ASCC1: variants seen among roughly 807,000 people sequenced by gnomAD.
ASCC1 encodes the protein activating signal cointegrator 1 complex subunit 1, also known as ASC-1 complex subunit P50.
ASCC1 carries 35 observed loss-of-function variants against 46.6 expected under a neutral mutation model. The ratio of observed to expected loss-of-function variants is 0.75; its 90% CI spans 0.57 to 0.99. The LOEUF is 0.99. Among genes scored for constraint, ASCC1 ranks in the 50% least tolerant of loss-of-function variants. The pLI is 0.00. For missense variants in ASCC1, 376 were observed against 428.7 expected, an observed-to-expected ratio of 0.88 and a Z score of 1.09; for synonymous variants, 143 against 146.6, an observed-to-expected ratio of 0.98 and a Z score of 0.18.
Position 72,133,091 on chromosome 10 carries a change from T to G in ASCC1, c.837A>C (p.Thr279=), listed in dbSNP as rs1352903954. 1.9e-6 allele frequency: 3 copies of G among 1,614,082 alleles called. No homozygotes were observed. The highest frequency in any genetic ancestry group is 2.5e-6 in the Non-Finnish European group (3 of 1,180,012). The part of the protein sequence containing the change: ...KEWNSVKLHA[T]VMNTLFRKDP... ...CTTTCCTGAATAGTGTATTCATAAC[T>G]GTAGCATGCAGTTTCACACTATTCC... Residue 279 remains threonine (T), a synonymous_variant, in exon 8 of 10, where the codon ACA becomes ACC. Coordinates refer to ENST00000672957, the MANE Select transcript of ASCC1 (RefSeq NM_001198800.3).
At chr10:72,179,866 T>G (rs1394360404) in intron 5 of ASCC1, among the ~76,000 whole-genome samples, 1 of 152,120 alleles carries the variant, frequency 6.6e-6, no homozygotes, top group Non-Finnish European at 1.5e-5. Flanking sequence ...AAAAAATGCA[T>G]GAACAGCAGC....
intron 2 of ASCC1, among the ~76,000 whole-genome samples, chr10:72,211,183 T>C (rs1389661478): frequency 6.6e-6 from 1 of 152,218 alleles, no homozygotes; most frequent in African/African-American, 2.4e-5. Context: ...AGATACTGGA[T>C]ATGAGACAGA....
intron 3 of ASCC1, 92 bp from the exon 4 acceptor site, chr10:72,203,616 T>G (rs111407217): frequency 1.1e-6 from 1 of 940,606 alleles, no homozygotes; most frequent in South Asian, 1.4e-5. Context: ...CAAGAGATAC[T>G]CCCTTACAGA....
intron 5 of ASCC1, among the ~76,000 whole-genome samples, chr10:72,194,863 C>G (rs1319532190): frequency 1.3e-5 from 2 of 151,894 alleles, no homozygotes; most frequent in African/African-American, 4.8e-5. Flanking sequence ...CTGCCTCAGC[C>G]TCTCAAGTAG....
At chr10:72,114,450 C>G (rs983877091) in intron 9 of ASCC1, among the ~76,000 whole-genome samples, 13 of 151,878 alleles carry the variant, frequency 8.6e-5, no homozygotes, top group African/African-American at 3.1e-4. Flanking sequence ...ATGGTGAAAC[C>G]CCGTCTCTAC....
chr10:72,132,280 G>C (rs1266279103), intron 8 of ASCC1, among the ~76,000 whole-genome samples: 1 of 152,142 alleles, frequency 6.6e-6, no homozygotes, highest in Non-Finnish European at 1.5e-5. Context: ...GGAAGGAAGA[G>C]CTGCATATGG....
At position 72,206,912 on chromosome 10, in the gene ASCC1, C is replaced by T. The variant is rs574308232; in HGVS notation, c.213-3388G>A. On this transcript the variant is annotated intron_variant, in intron 3 of 9. Transcript: ENST00000672957. The stretch of plus-strand genomic sequence containing the variant: ...TTCTGTCCAGCCCACCACCACAGCA[C>T]CACCCTTTATGCAAGTCCCCTCAAT... Among the ~76,000 whole-genome samples the T allele has an allele frequency of 6.5e-3, 991 of 152,266 alleles. 2 individuals carry two copies. The highest frequency in any genetic ancestry group is 0.011 in the Non-Finnish European group (724 of 68,032).
chr10:72,103,287 C>T (rs1278666646), intron 9 of ASCC1, among the ~76,000 whole-genome samples: 2 of 151,746 alleles, frequency 1.3e-5, no homozygotes, highest in African/African-American at 4.9e-5. Context: ...CGCCTGCCAC[C>T]GCACCCGGCT....
At chr10:72,133,216 T>C in intron 7 of ASCC1, 35 bp from the exon 8 acceptor site, 2 of 1,611,746 alleles carry the variant, frequency 1.2e-6, no homozygotes, top group South Asian at 1.1e-5. Flanking sequence ...GCAGAAATCT[T>C]AGTAAACTTC....
At chr10:72,216,834 G>A (rs763244623), upstream of ASCC1, 3 of 456,134 alleles carry the variant, frequency 6.6e-6, no homozygotes, top group South Asian at 3.1e-5. Flanking sequence ...ACAGGGCCAA[G>A]TCCCAGGATA....
intron 8 of ASCC1, among the ~76,000 whole-genome samples, chr10:72,131,475 C>T (rs112901746): frequency 0.026 from 4,007 of 151,646 alleles, 85 homozygotes; most frequent in Admixed American, 0.038. Flanking sequence ...CACACACACA[C>T]ACTCAACTGG....
At chr10:72,190,995 C>CAA (rs556780486) in intron 5 of ASCC1, among the ~76,000 whole-genome samples, 5,127 of 87,000 alleles carry the variant, frequency 0.059, 620 homozygotes, top group African/African-American at 0.19. Context: ...GACGCCGTCT[C>CAA]AAAAAAAAAA....
chr10:72,201,381 A>G (rs2133355918), intron 4 of ASCC1, among the ~76,000 whole-genome samples: 1 of 152,292 alleles, frequency 6.6e-6, no homozygotes, highest in South Asian at 2.1e-4. Flanking sequence ...AAAACAATAC[A>G]ATCTATGAAC....
At position 72,133,184 on chromosome 10, in the gene ASCC1, G is replaced by C; in HGVS notation, c.747-3C>G. ...CTCGATCAACTAATTCTTGTAGCCT[G>C]GAGAAATTGGAGAAAAGTAATGCAG... is the stretch of plus-strand genomic sequence containing the variant. On this transcript the variant is annotated splice_region_variant and splice_polypyrimidine_tract_variant and intron_variant, in intron 7 of 9. Coordinates refer to ENST00000672957, the MANE Select transcript of ASCC1 (RefSeq NM_001198800.3). The C allele has an allele frequency of 1.2e-6, 2 of 1,613,892 alleles. No homozygotes were observed. Among genetic ancestry groups the C allele is most frequent in the Non-Finnish European group, 1.7e-6 (2 of 1,179,812 alleles).
intron 7 of ASCC1, among the ~76,000 whole-genome samples, chr10:72,138,150 C>T (rs1290820687): frequency 1.3e-5 from 2 of 152,234 alleles, no homozygotes; most frequent in Non-Finnish European, 2.9e-5. Flanking sequence ...CAGGCGTGAG[C>T]CACTGTGCCT....
At chr10:72,192,903 T>G (rs1310410394) in intron 5 of ASCC1, among the ~76,000 whole-genome samples, 2 of 152,138 alleles carry the variant, frequency 1.3e-5, no homozygotes, top group African/African-American at 4.8e-5. Flanking sequence ...CATTAGCCAT[T>G]AAAGAAATGT....
chr10:72,202,133 G>T (rs1264278664), intron 4 of ASCC1, among the ~76,000 whole-genome samples: 1 of 151,834 alleles, frequency 6.6e-6, no homozygotes, highest in South Asian at 2.1e-4. Context: ...AAGAAAATGG[G>T]TTAATGAATT....
chr10:72,189,802 C>CAAAAA (rs996153326), intron 5 of ASCC1: 4,104 of 167,724 alleles, frequency 0.024, 494 homozygotes, highest in African/African-American at 0.19. Flanking sequence ...AACTCCATCT[C>CAAAAA]AAAAAAAAAA....
At chr10:72,184,211 A>T (rs1260134953) in intron 5 of ASCC1, among the ~76,000 whole-genome samples, 1 of 151,812 alleles carries the variant, frequency 6.6e-6, no homozygotes, top group Non-Finnish European at 1.5e-5. Flanking sequence ...AGATGAACAG[A>T]AACAAACAAA....
Sources: gnomAD v4.1 joint callset for allele counts (sites outside exome capture counted in the v4.1 genomes callset) on GRCh38, gnomAD v4.1.1 for gene constraint, MANE v1.5 for transcripts, NCBI Gene and HGNC (gene_info 2026-07-23, HGNC 2026-07-21) for gene names.